CNTNAP5: variants seen among roughly 807,000 people sequenced by gnomAD.
The protein encoded by CNTNAP5 is contactin-associated protein-like 5.
In CNTNAP5, 72 loss-of-function variants were observed where a neutral mutation model predicts 150.2. The ratio of observed to expected loss-of-function variants is 0.48; its 90% CI spans 0.40 to 0.58. The LOEUF (loss-of-function observed/expected upper bound fraction) is 0.58, where lower values mean the gene tolerates loss of function less well. Ranked by LOEUF, CNTNAP5 falls within the 20% of genes least tolerant of loss-of-function variation. The pLI, the probability that CNTNAP5 is intolerant of heterozygous loss-of-function variation, is 0.00. For missense variants in CNTNAP5, 1,636 were observed against 1,626.2 expected (o/e 1.01, Z -0.10); for synonymous variants, 672 against 619.8 (o/e 1.08, Z -1.25).
At chr2:124,133,258 A>T (rs1683901244) in intron 1 of CNTNAP5, among the ~76,000 whole-genome samples, 1 of 152,134 alleles carries the variant, frequency 6.6e-6, no homozygotes, top group Non-Finnish European at 1.5e-5. Context: ...TTCTGTTTTA[A>T]GTGAGTGTCC....
chr2:124,132,567 T>G (rs530991367), intron 1 of CNTNAP5, among the ~76,000 whole-genome samples: 4 of 152,148 alleles, frequency 2.6e-5, no homozygotes, highest in Non-Finnish European at 5.9e-5. Flanking sequence ...AGTTAACAAG[T>G]GGTCATTATT....
chr2:124,849,154 A>T (rs1162544102), intron 19 of CNTNAP5, among the ~76,000 whole-genome samples: 1 of 152,038 alleles, frequency 6.6e-6, no homozygotes, highest in African/African-American at 2.4e-5. Flanking sequence ...TTTCAAGTAA[A>T]TTTTTGTATG....
chr2:124,748,393 C>T (rs1680653366), intron 14 of CNTNAP5, among the ~76,000 whole-genome samples: 1 of 152,118 alleles, frequency 6.6e-6, no homozygotes, highest in African/African-American at 2.4e-5. Flanking sequence ...CTTCCATGCC[C>T]ATTACATTTA....
At chr2:124,135,277 C>T (rs1683950150) in intron 1 of CNTNAP5, 1 of 152,224 alleles carries the variant, frequency 6.6e-6, no homozygotes, top group African/African-American at 2.4e-5. Flanking sequence ...CCCCAGCCAG[C>T]TCCCACTGAG....
intron 3 of CNTNAP5, among the ~76,000 whole-genome samples, chr2:124,416,455 T>C (rs1483754405): frequency 6.6e-6 from 1 of 152,124 alleles, no homozygotes; most frequent in Non-Finnish European, 1.5e-5. Flanking sequence ...AAGTACAATA[T>C]TAGTAGACCA....
At chr2:124,908,557 G>A (rs1678588361) in intron 22 of CNTNAP5, among the ~76,000 whole-genome samples, 1 of 152,092 alleles carries the variant, frequency 6.6e-6, no homozygotes, top group Non-Finnish European at 1.5e-5. Context: ...ACCTAATGAA[G>A]TTGTAGCAAT....
At chr2:124,214,338 C>T (rs150979202) in intron 1 of CNTNAP5, among the ~76,000 whole-genome samples, 10 of 152,250 alleles carry the variant, frequency 6.6e-5, no homozygotes, top group Non-Finnish European at 1.0e-4. Context: ...ATCCCAGAGC[C>T]CTCTTGTTAG....
At chr2:124,281,372 A>G (rs1558832776) in intron 3 of CNTNAP5, among the ~76,000 whole-genome samples, 1 of 152,156 alleles carries the variant, frequency 6.6e-6, no homozygotes, top group African/African-American at 2.4e-5. Context: ...TTATTTCCCA[A>G]ACTCCTATCC....
At chr2:124,786,367 GAAAGAAAGAA>G (rs1288256565) in intron 17 of CNTNAP5, among the ~76,000 whole-genome samples, 1 of 61,522 alleles carries the variant, frequency 1.6e-5, no homozygotes. Flanking sequence ...AAGAAAGAAA[GAAAGAAAGAA>G]AGAAAGAAAG....
At chr2:124,347,967 A>G (rs1689782539) in intron 3 of CNTNAP5, among the ~76,000 whole-genome samples, 1 of 151,892 alleles carries the variant, frequency 6.6e-6, no homozygotes, top group East Asian at 1.9e-4. Flanking sequence ...TGGGACTACT[A>G]CAGGCACCTG....
chr2:124,125,887 C>A (rs948418259), intron 1 of CNTNAP5, among the ~76,000 whole-genome samples: 1 of 152,088 alleles, frequency 6.6e-6, no homozygotes, highest in African/African-American at 2.4e-5. Flanking sequence ...CACAACATAC[C>A]AGAATCTCTG....
intron 13 of CNTNAP5, among the ~76,000 whole-genome samples, chr2:124,713,278 TTTCTTTCTTTC>T (rs1679858320): frequency 7.8e-6 from 1 of 127,396 alleles, no homozygotes; most frequent in African/African-American, 2.7e-5. Flanking sequence ...TCTTTCTTTC[TTTCTTTCTTTC>T]TTTCTTTCTT....
At chr2:124,733,308 A>G (rs565069885) in intron 13 of CNTNAP5, among the ~76,000 whole-genome samples, 2 of 152,320 alleles carry the variant, frequency 1.3e-5, no homozygotes, top group South Asian at 4.1e-4. Context: ...GATATAAGAT[A>G]GTATGCAGTC....
chr2:124,579,316 T>C (rs1341702668), intron 11 of CNTNAP5, among the ~76,000 whole-genome samples: 2 of 152,226 alleles, frequency 1.3e-5, no homozygotes, highest in Non-Finnish European at 2.9e-5. Flanking sequence ...AAATATTTTA[T>C]ATTCTCCCAT....
intron 3 of CNTNAP5, among the ~76,000 whole-genome samples, chr2:124,388,961 G>C (rs1691036855): frequency 6.6e-6 from 1 of 152,142 alleles, no homozygotes; most frequent in Non-Finnish European, 1.5e-5. Context: ...CACAAAGAAA[G>C]ACTTAACAGG....
At chr2:124,149,403 C>CCA (rs1491488945) in intron 1 of CNTNAP5, among the ~76,000 whole-genome samples, 1 of 82,808 alleles carries the variant, frequency 1.2e-5, no homozygotes, top group Non-Finnish European at 2.2e-5. Context: ...GCGTCAATTG[C>CCA]AAAAAAAAAA....
chr2:124,911,854 A>G (rs1678663364), intron 23 of CNTNAP5, among the ~76,000 whole-genome samples: 1 of 152,092 alleles, frequency 6.6e-6, no homozygotes, highest in African/African-American at 2.4e-5. Context: ...CTGTTTCTAA[A>G]ATGCAAACAA....
chr2:124,830,809 AAG>A, intron 19 of CNTNAP5, among the ~76,000 whole-genome samples: 1 of 152,014 alleles, frequency 6.6e-6, no homozygotes, highest in Non-Finnish European at 1.5e-5. Flanking sequence ...AAAAAGTTGA[AAG>A]AGAGAGTTAT....
At chr2:124,045,666 C>G (rs1014218122) in intron 1 of CNTNAP5, among the ~76,000 whole-genome samples, 3 of 152,190 alleles carry the variant, frequency 2.0e-5, no homozygotes, top group African/African-American at 7.2e-5. Flanking sequence ...TTAACACCCT[C>G]CGATTTTAAA....
Sources: gnomAD v4.1 joint callset for allele counts (sites outside exome capture counted in the v4.1 genomes callset) on GRCh38, gnomAD v4.1.1 for gene constraint, MANE v1.5 for transcripts, NCBI Gene and HGNC (gene_info 2026-07-23, HGNC 2026-07-21) for gene names.